SLC12A7: variants seen among roughly 807,000 people sequenced by gnomAD.
The protein encoded by SLC12A7 is solute carrier family 12 member 7, also known as K-Cl cotransporter 4.
Under a neutral mutation model 120.6 loss-of-function variants are expected in SLC12A7, and 100 were observed. The observed-to-expected ratio is 0.83, with a 90% CI of 0.71 to 0.98. The LOEUF (loss-of-function observed/expected upper bound fraction) is 0.98, where lower values mean the gene tolerates loss of function less well. Ranked by LOEUF, SLC12A7 falls within the 50% of genes least tolerant of loss-of-function variation. SLC12A7 has a pLI of 0.00. For synonymous variants in SLC12A7, 760 were observed against 678.0 expected (o/e 1.12, Z -1.88); for missense variants, 1,373 against 1,548.1 (o/e 0.89, Z 1.90).
the SLC12A7 span, among the ~76,000 whole-genome samples, chr5:1,132,966 A>G: frequency 1.3e-5 from 2 of 152,222 alleles, no homozygotes; most frequent in Non-Finnish European, 2.9e-5. Flanking sequence ...GCTGGGGTGC[A>G]GGGGCGTGAT....
At chr5:1,145,306 G>A in the SLC12A7 span, among the ~76,000 whole-genome samples, 110 of 152,262 alleles carry the variant, frequency 7.2e-4, no homozygotes, top group Non-Finnish European at 1.4e-3. The surrounding 1 kb of genome is among the most constrained non-coding windows in gnomAD (Gnocchi z 4.4). Context: ...GGCCGGTTCC[G>A]CAGACCCCCT....
At chr5:1,123,169 C>A in the SLC12A7 span, among the ~76,000 whole-genome samples, 1 of 152,240 alleles carries the variant, frequency 6.6e-6, no homozygotes, top group Non-Finnish European at 1.5e-5. Context: ...ACACTTGGCT[C>A]AGATAAGGTC....
chr5:1,109,935 T>C (rs1376386373), intron 1 of SLC12A7, among the ~76,000 whole-genome samples: 2 of 152,256 alleles, frequency 1.3e-5, no homozygotes, highest in African/African-American at 2.4e-5. Context: ...TGTGACCTTG[T>C]GGTGTGGACC....
chr5:1,051,003 C>G lies in SLC12A7; in HGVS notation c.*1357G>C. ...GGGGCCTCTAGTATATAGAAGCAACCTCTTTATGGACAACCTTGTTACCAC... is the reference window on the plus strand; with the variant it reads ...GGGGCCTCTAGTATATAGAAGCAACGTCTTTATGGACAACCTTGTTACCAC... On this transcript the variant is annotated 3_prime_UTR_variant, in exon 24 of 24. Transcript: ENST00000264930. 1 of 398,600 alleles carries G rather than the reference C, an allele frequency of 2.5e-6. No homozygotes were observed. The highest frequency in any genetic ancestry group is 4.4e-6 in the Non-Finnish European group (1 of 226,052). 24.7% of individuals were successfully genotyped at this position (398,600 alleles called of 1,614,324 possible).
chr5:1,081,535 A>G (rs749619693), intron 9 of SLC12A7, 42 bp downstream of exon 9: 5 of 1,574,612 alleles, frequency 3.2e-6, no homozygotes, highest in Non-Finnish European at 4.3e-6. Flanking sequence ...AAAGAGAGGG[A>G]GAGAAAGAAA....
At chr5:1,150,846 G>A in the SLC12A7 span, among the ~76,000 whole-genome samples, 7 of 152,212 alleles carry the variant, frequency 4.6e-5, no homozygotes, top group South Asian at 2.1e-4. Flanking sequence ...AGTGGCCTCC[G>A]CCTGGGATCT....
the SLC12A7 span, among the ~76,000 whole-genome samples, chr5:1,151,218 C>G: frequency 6.6e-6 from 1 of 152,250 alleles, no homozygotes; most frequent in African/African-American, 2.4e-5. The surrounding 1 kb of genome is among the most constrained non-coding windows in gnomAD (Gnocchi z 6.2). Flanking sequence ...AGAGCAGTTT[C>G]CAAGGCTCAG....
Position 1,061,123 on chromosome 5 carries a change from CGTGCGGG to C in SLC12A7, c.2740-679_2740-673del, listed in dbSNP as rs1736185793. Among the ~76,000 whole-genome samples, 78 of 36,542 alleles carry C rather than the reference CGTGCGGG, an allele frequency of 2.1e-3. 1 individual carries two copies. The highest frequency in any genetic ancestry group is 4.9e-3 in the Non-Finnish European group (40 of 8,202). 24.0% of individuals were successfully genotyped at this position (36,542 alleles called of 152,430 possible). Reference sequence around the variant, plus strand: ...CCTGCGTCTCACCCACCGCACCCGCCGTGCGGGACCCCTGCGTCTCACCCGCCGCACC... The same window carrying C: ...CCTGCGTCTCACCCACCGCACCCGCCACCCCTGCGTCTCACCCGCCGCACC... On this transcript the variant is annotated intron_variant, in intron 20 of 23. Coordinates refer to ENST00000264930, the MANE Select transcript of SLC12A7 (RefSeq NM_006598.3).
chr5:1,142,097 C>G, the SLC12A7 span, among the ~76,000 whole-genome samples: 1 of 151,980 alleles, frequency 6.6e-6, no homozygotes, highest in Non-Finnish European at 1.5e-5. Context: ...ACTCCCCTCC[C>G]CAGAGCTGCA....
In SLC12A7 at chr5:1,083,906, C is replaced by T. The variant is rs1739504793; in HGVS notation, c.968G>A (p.Cys323Tyr). The change falls in exon 8 of 24, where the codon TGC (cysteine) becomes TAC (tyrosine). Residue 323 changes from cysteine to tyrosine, a missense_variant. Cys to Tyr is a radical substitution (Grantham distance 194, BLOSUM62 -2). Transcript: ENST00000264930. ...RTLSRRSFDA[C>Y]VKAYGIHNNS... ...GTTGTGGATGCCGTAGGCCTTGACG[C>T]AGGCATCGAAGCTGCGCCGTGACAG... 14 of 1,607,724 alleles carry T rather than the reference C, an allele frequency of 8.7e-6. No homozygotes were observed. The East Asian group carries it at 3.1e-4, about 36-fold the overall frequency.
At chr5:1,084,111 G>A (rs1400226613) in intron 7 of SLC12A7, among the ~76,000 whole-genome samples, 155 bp from the exon 8 acceptor site, 2 of 152,186 alleles carry the variant, frequency 1.3e-5, no homozygotes, top group African/African-American at 2.4e-5. Flanking sequence ...TCACGCCAGG[G>A]ACCGGGCCCA....
the SLC12A7 span, among the ~76,000 whole-genome samples, chr5:1,147,247 G>A: frequency 2.5e-4 from 19 of 75,372 alleles, no homozygotes; most frequent in South Asian, 6.7e-3. Context: ...GGCCCACCCC[G>A]CCACCCCCCC....
chr5:1,135,229 C>A, the SLC12A7 span, among the ~76,000 whole-genome samples: 1 of 152,168 alleles, frequency 6.6e-6, no homozygotes, highest in African/African-American at 2.4e-5. Flanking sequence ...GACTGTGGGG[C>A]CAGCCAGAAC....
In SLC12A7 at chr5:1,065,399, A is replaced by G. The variant is rs56350427; in HGVS notation, c.2321T>C (p.Met774Thr). ...LVVSSSLRDG[M>T]SHLIQSAGLG... ...GCCGGCCGACTGGATCAGGTGGGAC[A>G]TGCCATCCCGCAGGCTGGACGAGAC... The change falls in exon 18 of 24, where the codon ATG becomes ACG. Residue 774 changes from methionine (M) to threonine (T), a missense_variant. Transcript: ENST00000264930. 34,976 of 1,612,544 alleles carry G rather than the reference A, an allele frequency of 0.022. 481 individuals carry two copies. Among genetic ancestry groups the G allele is most frequent in the Non-Finnish European group, 0.027 (31,319 of 1,179,566 alleles).
chr5:1,121,145 C>T, the SLC12A7 span, among the ~76,000 whole-genome samples: 1 of 152,190 alleles, frequency 6.6e-6, no homozygotes, highest in Non-Finnish European at 1.5e-5. Flanking sequence ...CCTCATCTTG[C>T]AGGCAGTGGG....
At chr5:1,134,766 C>T in the SLC12A7 span, among the ~76,000 whole-genome samples, 19 of 152,066 alleles carry the variant, frequency 1.2e-4, no homozygotes, top group Non-Finnish European at 2.4e-4. Flanking sequence ...AGAATCAGCC[C>T]GAGAGGTGGT....
At chr5:1,103,225 G>A (rs1460996672) in intron 1 of SLC12A7, among the ~76,000 whole-genome samples, 2 of 152,088 alleles carry the variant, frequency 1.3e-5, no homozygotes, top group Non-Finnish European at 2.9e-5. Context: ...CCTTCTGAGG[G>A]AAAAACAGGC....
At chr5:1,055,486 C>T (rs1372687547) in intron 22 of SLC12A7, among the ~76,000 whole-genome samples, 1 of 152,254 alleles carries the variant, frequency 6.6e-6, no homozygotes, top group Non-Finnish European at 1.5e-5. Flanking sequence ...ACCTCCAGAT[C>T]TTCGGAGGGC....
chr5:1,142,795 C>T, the SLC12A7 span, among the ~76,000 whole-genome samples: 17,217 of 48,904 alleles, frequency 0.35, 1,356 homozygotes, highest in South Asian at 0.41. Flanking sequence ...CATCAGCTGC[C>T]CCCCCCATAC....
Sources: gnomAD v4.1 joint callset for allele counts (sites outside exome capture counted in the v4.1 genomes callset) on GRCh38, gnomAD v4.1.1 for gene constraint, Gnocchi (gnomAD v3.1) non-coding constraint, MANE v1.5 for transcripts, NCBI Gene and HGNC (gene_info 2026-07-23, HGNC 2026-07-21) for gene names.